Variants in RABGAP1L observed in about 807,000 individuals in gnomAD.
The protein encoded by RABGAP1L is RAB GTPase activating protein 1 like, also known as rab GTPase-activating protein 1-like.
RABGAP1L carries 63 observed loss-of-function variants against 137.7 expected under a neutral mutation model. The ratio of observed to expected loss-of-function variants is 0.46; its 90% CI spans 0.37 to 0.56. The LOEUF is 0.56. Among genes scored for constraint, RABGAP1L ranks in the 20% least tolerant of loss-of-function variants. RABGAP1L has a pLI of 0.00. For missense variants in RABGAP1L, 1,095 were observed against 1,244.0 expected (o/e 0.88, Z 1.80); for synonymous variants, 431 against 433.7 (o/e 0.99, Z 0.08).
At chr1:174,168,737 G>C (rs766996196) in intron 1 of RABGAP1L, among the ~76,000 whole-genome samples, 15 of 152,214 alleles carry the variant, frequency 9.9e-5, no homozygotes, top group South Asian at 4.1e-4. Flanking sequence ...AAATATTACT[G>C]TTATTCAAAT....
intron 13 of RABGAP1L, among the ~76,000 whole-genome samples, chr1:174,422,967 ATT>A (rs1198671624): frequency 1.5e-4 from 20 of 137,676 alleles, no homozygotes; most frequent in African/African-American, 5.4e-4. Flanking sequence ...AAAAAAAAAA[ATT>A]TTTTTTGAAC....
intron 10 of RABGAP1L, among the ~76,000 whole-genome samples, chr1:174,295,028 C>T (rs899488138): frequency 2.6e-5 from 4 of 151,972 alleles, no homozygotes; most frequent in Admixed American, 1.3e-4. Flanking sequence ...AGGTGATTCT[C>T]CTGCCTCAGC....
intron 20 of RABGAP1L, among the ~76,000 whole-genome samples, chr1:174,961,711 T>G (rs995956591): frequency 2.0e-5 from 3 of 151,608 alleles, no homozygotes; most frequent in African/African-American, 7.3e-5. Flanking sequence ...CTGGGTGTGC[T>G]GGCAAGCACC....
chr1:174,302,342 G>A (rs1262104446), intron 10 of RABGAP1L, among the ~76,000 whole-genome samples: 2 of 152,156 alleles, frequency 1.3e-5, no homozygotes, highest in Non-Finnish European at 2.9e-5. Flanking sequence ...TGTGTACTGA[G>A]CATTTTTCTA....
rs116271769 is a variant in RABGAP1L at position 174,569,332 on chromosome 1, G to T, written c.1711-68043G>T. Among the ~76,000 whole-genome samples the T allele has an allele frequency of 1.6e-3, 248 of 152,194 alleles. 1 individual carries two copies. The highest frequency in any genetic ancestry group is 4.1e-3 in the Admixed American group (63 of 15,272). On this transcript the variant is annotated intron_variant, in intron 13 of 25. Coordinates refer to ENST00000681986, the MANE Select transcript of RABGAP1L (RefSeq NM_001366446.1). ...CTGACCTTCTTCCCTTCCTTATTCT[G>T]CCTTCCTCCTGTTACAGACATGTGA...
chr1:174,455,702 A>G (rs1377935604), intron 13 of RABGAP1L, among the ~76,000 whole-genome samples: 3 of 152,110 alleles, frequency 2.0e-5, no homozygotes, highest in Admixed American at 1.3e-4. Flanking sequence ...TTTTTCAGGA[A>G]TTTTATAATT....
At chr1:174,243,062 C>T (rs1020239644) in intron 5 of RABGAP1L, 8 of 152,156 alleles carry the variant, frequency 5.3e-5, no homozygotes, top group Admixed American at 4.6e-4. Flanking sequence ...TTCCGAATCA[C>T]TGGAGCTCAA....
chr1:174,589,964 A>T (rs1415124099), intron 13 of RABGAP1L, among the ~76,000 whole-genome samples: 1 of 152,098 alleles, frequency 6.6e-6, no homozygotes, highest in Non-Finnish European at 1.5e-5. Context: ...GTTCCATCAA[A>T]ATTTACGATT....
At chr1:174,473,764 G>A (rs1049442912) in intron 13 of RABGAP1L, among the ~76,000 whole-genome samples, 1 of 152,176 alleles carries the variant, frequency 6.6e-6, no homozygotes, top group East Asian at 1.9e-4. Flanking sequence ...TGCTGAGCAG[G>A]TTGAGCTGAA....
At chr1:174,348,852 C>G (rs1393748228) in intron 11 of RABGAP1L, among the ~76,000 whole-genome samples, 1 of 152,180 alleles carries the variant, frequency 6.6e-6, no homozygotes, top group African/African-American at 2.4e-5. Context: ...TCTCCCATGT[C>G]TACCTCTTTC....
At chr1:174,399,132 C>T (rs949743868) in intron 13 of RABGAP1L, among the ~76,000 whole-genome samples, 1 of 152,112 alleles carries the variant, frequency 6.6e-6, no homozygotes, top group Non-Finnish European at 1.5e-5. Context: ...ACTTCTTTGA[C>T]ATAAAGTACA....
chr1:174,843,064 T>C (rs1239027379), intron 19 of RABGAP1L, among the ~76,000 whole-genome samples: 1 of 152,072 alleles, frequency 6.6e-6, no homozygotes, highest in African/African-American at 2.4e-5. Context: ...TTAAAACCAA[T>C]TCAAAATAAA....
chr1:174,444,053 A>G (rs745544325), intron 13 of RABGAP1L, among the ~76,000 whole-genome samples: 1 of 151,816 alleles, frequency 6.6e-6, no homozygotes, highest in Non-Finnish European at 1.5e-5. Flanking sequence ...TTTTATGCCA[A>G]TATCATGCTG....
intron 13 of RABGAP1L, among the ~76,000 whole-genome samples, chr1:174,478,974 A>G (rs1011899132): frequency 1.3e-5 from 2 of 152,214 alleles, no homozygotes; most frequent in Non-Finnish European, 2.9e-5. Context: ...ATTTTACTAT[A>G]AAGTGTGTTT....
Position 174,448,975 on chromosome 1 carries a change from A to G in RABGAP1L, c.1710+54830A>G, listed in dbSNP as rs374756893. On this transcript the variant is annotated intron_variant, in intron 13 of 25. Transcript: ENST00000681986. This position sits in a 1 kb window ranked among gnomAD's most constrained non-coding sequence, Gnocchi z 4.2. ...CCTATATAATTTACTTTCTTCTAGA[A>G]AGCTCCCGGGTCTTGGACAATCCAA... The G allele has an allele frequency of 1.5e-5, 25 of 1,613,918 alleles. No homozygotes were observed. The African/African-American group carries it at 2.8e-4, about 18-fold the overall frequency.
intron 15 of RABGAP1L, among the ~76,000 whole-genome samples, chr1:174,689,042 T>C (rs1225961781): frequency 6.6e-6 from 1 of 152,150 alleles, no homozygotes; most frequent in African/African-American, 2.4e-5. Context: ...ATCGACAGTA[T>C]TCTCTTTCTT....
chr1:174,750,985 A>C (rs1684296065), intron 17 of RABGAP1L, among the ~76,000 whole-genome samples: 1 of 152,190 alleles, frequency 6.6e-6, no homozygotes, highest in South Asian at 2.1e-4. Context: ...CCACATTTTA[A>C]AATCTGTAAT....
Position 174,702,191 on chromosome 1 carries a change from A to T in RABGAP1L, c.2104A>T (p.Thr702Ser). The change falls in exon 17 of 26, where the codon ACT (threonine) becomes TCT (serine). Residue 702 changes from threonine to serine, a missense_variant. This residue lies in a region of RABGAP1L where 312 missense variants were observed against 435.6 expected (regional missense o/e 0.72). Coordinates refer to ENST00000681986, the MANE Select transcript of RABGAP1L (RefSeq NM_001366446.1). The part of the protein sequence containing the change: ...AHMYASQWFL[T>S]LFTAKFPLCM... Reference sequence around the variant, plus strand: ...TATGTATGCATCCCAGTGGTTTCTCACTCTTTTTACTGCCAAGTTCCCACT... The same window carrying T: ...TATGTATGCATCCCAGTGGTTTCTCTCTCTTTTTACTGCCAAGTTCCCACT... 1.2e-6 allele frequency: 2 copies of T among 1,611,806 alleles called. No individual in the cohort carries two copies. The highest frequency in any genetic ancestry group is 1.7e-5 in the Admixed American group (1 of 59,770).
rs1216100934 is a variant in RABGAP1L at position 174,550,857 on chromosome 1, AATATATATATATATATAT to A, written c.1711-86496_1711-86479del. 9.0e-3 allele frequency among the ~76,000 whole-genome samples: 556 copies of A among 61,838 alleles called. 14 individuals carry two copies. The highest frequency in any genetic ancestry group is 0.024 in the Middle Eastern group (2 of 82). The allele number at this position is 61,838 out of a possible 152,430, so 40.6% of individuals were successfully genotyped here. On this transcript the variant is annotated intron_variant, in intron 13 of 25. Transcript: ENST00000681986. ...ACACGGTGAAACCCCGTCTCTGCTA[AATATATATATATATATAT>A]ATATATATATATATATATATACACA...
Sources: allele counts gnomAD v4.1 joint callset (sites outside exome capture counted in the v4.1 genomes callset), GRCh38; gene constraint gnomAD v4.1.1; regional missense constraint gnomAD v4.1.1; non-coding constraint Gnocchi (gnomAD v3.1); transcripts MANE v1.5; gene names NCBI Gene and HGNC (gene_info 2026-07-23, HGNC 2026-07-21).